CIROZ: variants seen among roughly 807,000 people sequenced by gnomAD.
CIROZ encodes ciliated left-right organizer ZP-N domains-containing protein.
chr1:10,948,132 G>A, the CIROZ span: 3 of 1,613,456 alleles, frequency 1.9e-6, no homozygotes, highest in Non-Finnish European at 2.5e-6. Flanking sequence ...ACTTGGGGTG[G>A]AGAATGTGGC....
chr1:10,955,451 G>A, the CIROZ span, among the ~76,000 whole-genome samples: 1 of 152,182 alleles, frequency 6.6e-6, no homozygotes, highest in Non-Finnish European at 1.5e-5. Context: ...GGAAGCAGAT[G>A]CCAGGAGGGA....
the CIROZ span, among the ~76,000 whole-genome samples, chr1:10,974,221 G>T: frequency 6.6e-6 from 1 of 152,012 alleles, no homozygotes; most frequent in African/African-American, 2.4e-5. This position sits in a 1 kb window ranked among gnomAD's most constrained non-coding sequence, Gnocchi z 4.4. Context: ...TTTCTGGCTG[G>T]CCCATAGCTG....
chr1:10,958,205 C>G, the CIROZ span, among the ~76,000 whole-genome samples: 1 of 152,178 alleles, frequency 6.6e-6, no homozygotes, highest in Admixed American at 6.5e-5. Context: ...CTCAGGAGGA[C>G]TGGCAGGGAG....
the CIROZ span, among the ~76,000 whole-genome samples, chr1:10,973,957 C>T: frequency 1.7e-5 from 2 of 116,588 alleles, no homozygotes; most frequent in South Asian, 2.2e-4. Flanking sequence ...CCAGGAAGGA[C>T]CCCCCCCACC....
chr1:10,951,741 A>ATAT, the CIROZ span, among the ~76,000 whole-genome samples: 7 of 130,538 alleles, frequency 5.4e-5, no homozygotes, highest in African/African-American at 2.3e-4. Flanking sequence ...AAAAAAAAAA[A>ATAT]AAAAATATAT....
chr1:10,960,149 A>G, the CIROZ span, among the ~76,000 whole-genome samples: 2 of 152,186 alleles, frequency 1.3e-5, no homozygotes, highest in African/African-American at 4.8e-5. The surrounding 1 kb of genome is among the most constrained non-coding windows in gnomAD (Gnocchi z 4.6). Context: ...GCACTTTGGG[A>G]GGCTGAGGCG....
chr1:10,962,222 G>C, the CIROZ span, among the ~76,000 whole-genome samples: 2 of 152,084 alleles, frequency 1.3e-5, no homozygotes, highest in Admixed American at 6.6e-5. Flanking sequence ...GAGGCAGGCG[G>C]ATCACTTGAG....
the CIROZ span, among the ~76,000 whole-genome samples, chr1:10,967,291 C>T: frequency 6.6e-5 from 10 of 152,146 alleles, no homozygotes; most frequent in Non-Finnish European, 1.3e-4. Context: ...ACACCAGACC[C>T]ACTGCTATTT....
chr1:10,966,517 C>A, the CIROZ span: 1 of 1,496,458 alleles, frequency 6.7e-7, no homozygotes, highest in Non-Finnish European at 8.9e-7. Context: ...GTGGGTTGAG[C>A]CTGTGGAGGT....
the CIROZ span, among the ~76,000 whole-genome samples, chr1:10,978,689 A>G: frequency 1.3e-5 from 2 of 152,030 alleles, no homozygotes; most frequent in South Asian, 2.1e-4. Context: ...CAGCCTGGGT[A>G]ACAAAGCGAG....
the CIROZ span, among the ~76,000 whole-genome samples, chr1:10,966,754 C>A: frequency 6.6e-6 from 1 of 152,248 alleles, no homozygotes; most frequent in South Asian, 2.1e-4. Flanking sequence ...CCTCCCATGT[C>A]CCCCGGCTTC....
chr1:10,953,001 G>A, the CIROZ span, among the ~76,000 whole-genome samples: 2 of 152,208 alleles, frequency 1.3e-5, no homozygotes, highest in Admixed American at 6.5e-5. Context: ...GCAGGAAACT[G>A]TTAAAATAAA....
chr1:10,954,231 G>A, the CIROZ span: 1,025 of 1,397,998 alleles, frequency 7.3e-4, 12 homozygotes, highest in South Asian at 7.0e-3. Context: ...TGAGGCAGGC[G>A]GATCATGAGG....
chr1:10,957,107 C>T, the CIROZ span: 3 of 1,548,716 alleles, frequency 1.9e-6, no homozygotes, highest in East Asian at 4.9e-5. Context: ...GTGTTCAGCA[C>T]CTGGGGAGGA....
chr1:10,966,351 A>G, the CIROZ span: 1 of 1,502,572 alleles, frequency 6.7e-7, no homozygotes, highest in Non-Finnish European at 8.8e-7. Context: ...AAGTTTCCCA[A>G]ACCCACCTCT....
At chr1:10,954,896 C>G in the CIROZ span, 1 of 1,354,902 alleles carries the variant, frequency 7.4e-7, no homozygotes, top group East Asian at 2.3e-5. Context: ...ACTGGCCTAC[C>G]TTCCATGTTT....
At chr1:10,971,016 G>A in the CIROZ span, among the ~76,000 whole-genome samples, 1,117 of 140,756 alleles carry the variant, frequency 7.9e-3, 13 homozygotes, top group Admixed American at 0.013. Flanking sequence ...GCGGAGCATC[G>A]TGGTGCATGC....
At chr1:10,977,682 G>T in the CIROZ span, among the ~76,000 whole-genome samples, 1 of 152,054 alleles carries the variant, frequency 6.6e-6, no homozygotes, top group Non-Finnish European at 1.5e-5. Context: ...CCTCCCCCAT[G>T]AAATTTATTT....
the CIROZ span, among the ~76,000 whole-genome samples, chr1:10,969,439 G>A: frequency 2.6e-5 from 4 of 152,114 alleles, no homozygotes; most frequent in East Asian, 3.9e-4. Context: ...TTTTAGGTGC[G>A]CTCTTCCCCC....
Sources: allele counts gnomAD v4.1 joint callset (sites outside exome capture counted in the v4.1 genomes callset), GRCh38; gene constraint gnomAD v4.1.1; non-coding constraint Gnocchi (gnomAD v3.1); transcripts MANE v1.5; gene names NCBI Gene and HGNC (gene_info 2026-07-23, HGNC 2026-07-21).